PLPP1: variants seen among roughly 807,000 people sequenced by gnomAD.
PLPP1 encodes the protein lipid phosphate phosphohydrolase 1a.
PLPP1 carries 24 observed loss-of-function variants against 31.2 expected under a neutral mutation model. The ratio of observed to expected loss-of-function variants is 0.77; its 90% CI spans 0.56 to 1.08. The LOEUF is 1.08. Ranked by LOEUF, PLPP1 falls within the 50% of genes least tolerant of loss-of-function variation. The pLI, the probability that PLPP1 is intolerant of heterozygous loss-of-function variation, is 0.00. For synonymous variants in PLPP1, 146 were observed against 126.3 expected, an observed-to-expected ratio of 1.16 and a Z score of -1.05; for missense variants, 319 against 342.7, an observed-to-expected ratio of 0.93 and a Z score of 0.55.
intron 3 of PLPP1, among the ~76,000 whole-genome samples, chr5:55,462,690 C>A (rs1360591264): frequency 2.0e-5 from 3 of 151,970 alleles, no homozygotes; most frequent in African/African-American, 7.2e-5. Flanking sequence ...AATAAAGCAG[C>A]CAGCTGGGCG....
chr5:55,532,281 C>G (rs527570249), intron 1 of PLPP1, among the ~76,000 whole-genome samples: 1 of 152,016 alleles, frequency 6.6e-6, no homozygotes, highest in African/African-American at 2.4e-5. Context: ...CCATTAGCTT[C>G]AGCTACCTCA....
intron 1 of PLPP1, among the ~76,000 whole-genome samples, chr5:55,479,771 C>T (rs2111823069): frequency 6.6e-6 from 1 of 152,292 alleles, no homozygotes; most frequent in East Asian, 1.9e-4. Context: ...AGAATTTCTA[C>T]TCCTTGAAAC....
intron 3 of PLPP1, among the ~76,000 whole-genome samples, chr5:55,442,560 A>G (rs745940849): frequency 6.6e-6 from 1 of 151,742 alleles, no homozygotes; most frequent in Non-Finnish European, 1.5e-5. Flanking sequence ...GCTGAGGCAG[A>G]AGAATTGCTT....
Position 55,475,411 on chromosome 5 carries a change from G to T in PLPP1, c.98C>A (p.Pro33His). 1 of 1,611,026 alleles carries T rather than the reference G, an allele frequency of 6.2e-7. No individual in the cohort carries two copies. The highest frequency in any genetic ancestry group is 8.5e-7 in the Non-Finnish European group (1 of 1,178,928). ...PFAILTSRHT[P>H]FQRGVFCNDE... ...ATTACAGAATACTCCTCGTTGGAAG[G>T]GGGTATGCCTTGAAGTAAGAATTGC... Residue 33 changes from proline to histidine, a missense_variant, in exon 2 of 6, where the codon CCC becomes CAC. Coordinates refer to ENST00000307259, the MANE Select transcript of PLPP1 (RefSeq NM_003711.4).
At chr5:55,507,757 C>T (rs1579973786) in intron 1 of PLPP1, among the ~76,000 whole-genome samples, 1 of 152,288 alleles carries the variant, frequency 6.6e-6, no homozygotes, top group East Asian at 1.9e-4. Flanking sequence ...GTGAATCCAG[C>T]AGGCTCTCAG....
intron 2 of PLPP1, among the ~76,000 whole-genome samples, chr5:55,473,981 T>G (rs1752477440): frequency 1.3e-5 from 1 of 78,978 alleles, no homozygotes; most frequent in Non-Finnish European, 2.7e-5. Context: ...TTTTCTGGTT[T>G]TTTTGTTTGT....
chr5:55,452,937 C>T (rs1167163501), intron 3 of PLPP1, among the ~76,000 whole-genome samples: 1 of 152,106 alleles, frequency 6.6e-6, no homozygotes, highest in African/African-American at 2.4e-5. Context: ...TGGCAAACTC[C>T]CATCCTCCCT....
At chr5:55,491,757 C>A (rs1332708954) in intron 1 of PLPP1, among the ~76,000 whole-genome samples, 1 of 149,834 alleles carries the variant, frequency 6.7e-6, no homozygotes, top group Non-Finnish European at 1.5e-5. Flanking sequence ...ACTGGGCAGA[C>A]TGAAGCAGGA....
intron 1 of PLPP1, among the ~76,000 whole-genome samples, chr5:55,500,020 A>G (rs930300436): frequency 2.6e-5 from 4 of 152,006 alleles, no homozygotes; most frequent in Admixed American, 6.5e-5. Flanking sequence ...TATACAGCAT[A>G]AAACCAAGCA....
At chr5:55,492,363 ATTCCACAACTCTT>A (rs1212873280) in intron 1 of PLPP1, among the ~76,000 whole-genome samples, 1 of 152,174 alleles carries the variant, frequency 6.6e-6, no homozygotes, top group East Asian at 1.9e-4. Context: ...TGAGATGGTA[ATTCCACAACTCTT>A]TTATTGCATG....
At chr5:55,511,857 G>T (rs1445190961) in intron 1 of PLPP1, among the ~76,000 whole-genome samples, 1 of 150,212 alleles carries the variant, frequency 6.7e-6, no homozygotes, top group African/African-American at 2.5e-5. Flanking sequence ...TTTTAGTAGA[G>T]ACGGGGTTTC....
chr5:55,520,515 A>G (rs1034007731), intron 1 of PLPP1, among the ~76,000 whole-genome samples: 2 of 152,202 alleles, frequency 1.3e-5, no homozygotes, highest in African/African-American at 2.4e-5. Flanking sequence ...CTTCACATAC[A>G]TTGTCTCATG....
In PLPP1 at chr5:55,441,947, AG is replaced by A. The variant is rs753277580; in HGVS notation, c.492-40del. 20 of 1,572,168 alleles carry A rather than the reference AG, an allele frequency of 1.3e-5. No individual in the cohort carries two copies. In the East Asian group the frequency reaches 4.5e-4, roughly 35 times the overall value. ...AAGACAAATGTTACTTTTCTCTCTT[AG>A]GAGCCAAAAGTATTGTTGATTTCAT... On this transcript the variant is annotated intron_variant, in intron 3 of 5. Coordinates refer to ENST00000307259, the MANE Select transcript of PLPP1 (RefSeq NM_003711.4).
At chr5:55,431,859 C>T (rs913180715) in intron 4 of PLPP1, among the ~76,000 whole-genome samples, 1 of 152,010 alleles carries the variant, frequency 6.6e-6, no homozygotes, top group African/African-American at 2.4e-5. Flanking sequence ...AAAAGAAAAC[C>T]CAAATAAATT....
At chr5:55,484,793 T>C (rs1336079895) in intron 1 of PLPP1, 1 of 152,234 alleles carries the variant, frequency 6.6e-6, no homozygotes, top group Middle Eastern at 3.2e-3. Flanking sequence ...TTAAACCAGC[T>C]CAACCTCCAG....
At chr5:55,442,471 G>A (rs1313222228) in intron 3 of PLPP1, among the ~76,000 whole-genome samples, 2 of 152,068 alleles carry the variant, frequency 1.3e-5, no homozygotes, top group African/African-American at 2.4e-5. Flanking sequence ...GGCCAACATG[G>A]TGAAACCCCA....
At chr5:55,496,137 C>T (rs1376010660) in intron 1 of PLPP1, among the ~76,000 whole-genome samples, 3 of 152,166 alleles carry the variant, frequency 2.0e-5, no homozygotes, top group Non-Finnish European at 4.4e-5. Context: ...GGATTACAGA[C>T]ATGAGCCACC....
At chr5:55,442,037 G>A in intron 3 of PLPP1, 129 bp from the exon 4 acceptor site, 1 of 825,348 alleles carries the variant, frequency 1.2e-6, no homozygotes, top group Non-Finnish European at 2.0e-6. Flanking sequence ...AATTAGAAGG[G>A]TACGGCAGGG....
chr5:55,458,026 C>G (rs2111757393), intron 3 of PLPP1, among the ~76,000 whole-genome samples: 1 of 152,132 alleles, frequency 6.6e-6, no homozygotes, highest in East Asian at 1.9e-4. Context: ...GTTGGTTGAT[C>G]CAAGAGAGAT....
Sources: allele counts gnomAD v4.1 joint callset (sites outside exome capture counted in the v4.1 genomes callset), GRCh38; gene constraint gnomAD v4.1.1; transcripts MANE v1.5; gene names NCBI Gene and HGNC (gene_info 2026-07-23, HGNC 2026-07-21).